PRKG1: variants seen among roughly 807,000 people sequenced by gnomAD.
The protein encoded by PRKG1 is cGMP-dependent protein kinase 1.
Under a neutral mutation model 88.1 loss-of-function variants are expected in PRKG1, and 35 were observed. The observed-to-expected ratio is 0.40, with a 90% CI of 0.30 to 0.53. The LOEUF (loss-of-function observed/expected upper bound fraction) is 0.53, where lower values mean the gene tolerates loss of function less well. PRKG1 is among the 20% of genes least tolerant of loss of function. The probability of loss-of-function intolerance (pLI) is 0.59; values close to 1 mark genes in which losing one functional copy is unlikely to be tolerated. For missense variants in PRKG1, 540 were observed against 839.8 expected (o/e 0.64, Z 4.41); for synonymous variants, 303 against 292.5 (o/e 1.04, Z -0.37).
intron 3 of PRKG1, among the ~76,000 whole-genome samples, chr10:51,497,762 A>G (rs1467819097): frequency 6.6e-6 from 1 of 152,198 alleles, no homozygotes; most frequent in Non-Finnish European, 1.5e-5. Context: ...GACAAAATCT[A>G]ACTCTCACGG....
intron 5 of PRKG1, among the ~76,000 whole-genome samples, chr10:51,954,984 A>T (rs184357507): frequency 5.9e-5 from 9 of 152,242 alleles, no homozygotes; most frequent in Admixed American, 5.9e-4. Flanking sequence ...TGGAGTTTTA[A>T]AAAACAAAGT....
chr10:52,253,278 TA>T (rs1303484009), intron 10 of PRKG1: 7 of 152,082 alleles, frequency 4.6e-5, no homozygotes, highest in Non-Finnish European at 7.4e-5. Context: ...AGAAGTTTGA[TA>T]ACTTAAATGG....
intron 5 of PRKG1, among the ~76,000 whole-genome samples, chr10:51,917,046 G>A (rs747424540): frequency 1.2e-4 from 18 of 152,048 alleles, no homozygotes; most frequent in Non-Finnish European, 2.2e-4. Context: ...GGCTGGGCAC[G>A]GTGGCTCATG....
intron 3 of PRKG1, among the ~76,000 whole-genome samples, chr10:51,544,305 G>A (rs866007258): frequency 2.7e-5 from 4 of 150,496 alleles, no homozygotes; most frequent in African/African-American, 7.3e-5. Flanking sequence ...AACATGCGGT[G>A]TTTGGTTTTC....
intron 5 of PRKG1, among the ~76,000 whole-genome samples, chr10:51,997,833 C>T (rs1451905881): frequency 2.0e-4 from 30 of 151,626 alleles, no homozygotes; most frequent in Admixed American, 1.8e-3. Flanking sequence ...CCCTTCTGTC[C>T]CCTCCCCATC....
At chr10:51,234,374 T>C (rs978499020) in intron 2 of PRKG1, among the ~76,000 whole-genome samples, 3 of 152,218 alleles carry the variant, frequency 2.0e-5, no homozygotes, top group Non-Finnish European at 4.4e-5. Context: ...TAGAAGCTGC[T>C]GCTTCGTTGT....
At chr10:51,879,909 G>A (rs1463994931) in intron 4 of PRKG1, among the ~76,000 whole-genome samples, 2 of 152,228 alleles carry the variant, frequency 1.3e-5, no homozygotes, top group African/African-American at 4.8e-5. Context: ...TGGCAAGCAA[G>A]GAAATTGTAG....
At chr10:52,027,566 T>G (rs1360442902) in intron 5 of PRKG1, among the ~76,000 whole-genome samples, 2 of 152,140 alleles carry the variant, frequency 1.3e-5, no homozygotes, top group East Asian at 3.9e-4. Flanking sequence ...TCCACTTCAC[T>G]TTGTCCAAGT....
chr10:51,266,947 A>T (rs1839850994), intron 2 of PRKG1, among the ~76,000 whole-genome samples: 3 of 152,198 alleles, frequency 2.0e-5, no homozygotes, highest in Admixed American at 2.0e-4. Flanking sequence ...TTAGATATAT[A>T]AACAAAGTAA....
chr10:51,715,764 T>G (rs981092162), intron 3 of PRKG1, among the ~76,000 whole-genome samples: 1 of 152,202 alleles, frequency 6.6e-6, no homozygotes, highest in African/African-American at 2.4e-5. Flanking sequence ...GGCCCTGATA[T>G]GGAAAGTCAG....
intron 4 of PRKG1, among the ~76,000 whole-genome samples, chr10:51,833,324 G>T (rs573064545): frequency 1.3e-5 from 2 of 152,270 alleles, no homozygotes; most frequent in East Asian, 3.9e-4. Flanking sequence ...CCTCAGTAGG[G>T]ATAGTCATTG....
chr10:52,290,138 C>T (rs1842207817), intron 16 of PRKG1, 86 bp from the exon 17 acceptor site: 1 of 1,059,490 alleles, frequency 9.4e-7, no homozygotes, highest in Non-Finnish European at 1.4e-6. Context: ...TAACTGCTTC[C>T]CATTAGCCAT....
intron 5 of PRKG1, among the ~76,000 whole-genome samples, chr10:52,004,544 T>C (rs1365270130): frequency 6.6e-6 from 1 of 152,186 alleles, no homozygotes; most frequent in African/African-American, 2.4e-5. Flanking sequence ...GAACAGCATC[T>C]AACGAATATG....
At chr10:51,497,461 GA>G (rs1840891799) in intron 3 of PRKG1, among the ~76,000 whole-genome samples, 1 of 152,074 alleles carries the variant, frequency 6.6e-6, no homozygotes, top group African/African-American at 2.4e-5. Flanking sequence ...AAAGATTAAT[GA>G]AAAAAATCAG....
intron 1 of PRKG1, among the ~76,000 whole-genome samples, chr10:51,139,813 G>T (rs866311147): frequency 6.6e-6 from 1 of 152,102 alleles, no homozygotes; most frequent in South Asian, 2.1e-4. Context: ...ACCTGGAATT[G>T]CTCCAGTTTA....
intron 3 of PRKG1, among the ~76,000 whole-genome samples, chr10:51,604,414 T>A (rs1452123485): frequency 6.6e-6 from 1 of 152,202 alleles, no homozygotes; most frequent in African/African-American, 2.4e-5. Flanking sequence ...TCATCCCATG[T>A]ATTACAATAA....
At chr10:51,015,044 A>G (rs979045887) in intron 1 of PRKG1, among the ~76,000 whole-genome samples, 2 of 152,238 alleles carry the variant, frequency 1.3e-5, no homozygotes, top group Admixed American at 6.5e-5. Context: ...TGTTTAATAC[A>G]TTGCAAACCA....
At position 51,074,916 on chromosome 10, in the gene PRKG1, C is replaced by G. The variant is rs764861976; in HGVS notation, c.311+15C>G. 6.3e-7 allele frequency: 1 copy of G among 1,580,374 alleles called. No individual in the cohort carries two copies. The highest frequency in any genetic ancestry group is 2.3e-5 in the East Asian group (1 of 43,780). On this transcript the variant is annotated intron_variant, in intron 1 of 17. Transcript: ENST00000373980. ...AAGAGCCCACAGTAAGCAGGGGTGA[C>G]GCGCCGGGTCCATGTGGCGCCCTGG...
At chr10:52,179,495 C>G (rs1443872684) in intron 9 of PRKG1, among the ~76,000 whole-genome samples, 1 of 152,036 alleles carries the variant, frequency 6.6e-6, no homozygotes, top group Non-Finnish European at 1.5e-5. Context: ...TGACTTGACA[C>G]TTTTCTCTTG....
Sources: allele counts gnomAD v4.1 joint callset (sites outside exome capture counted in the v4.1 genomes callset), GRCh38; gene constraint gnomAD v4.1.1; transcripts MANE v1.5; gene names NCBI Gene and HGNC (gene_info 2026-07-23, HGNC 2026-07-21).